The following ZCWPW1 variants were observed in gnomAD, a reference collection of about 807,000 sequenced individuals.
ZCWPW1 encodes zinc finger CW-type PWWP domain protein 1.
Under a neutral mutation model 81.3 loss-of-function variants are expected in ZCWPW1, and 56 were observed. The ratio of observed to expected loss-of-function variants is 0.69; its 90% CI spans 0.56 to 0.86. The LOEUF is 0.86. Ranked by LOEUF, ZCWPW1 falls within the 40% of genes least tolerant of loss-of-function variation. ZCWPW1 has a pLI of 0.00. For synonymous variants in ZCWPW1, 250 were observed against 273.7 expected, an observed-to-expected ratio of 0.91 and a Z score of 0.86; for missense variants, 650 against 769.8, an observed-to-expected ratio of 0.84 and a Z score of 1.84.
At chr7:100,427,300 C>T (rs1797787586) in intron 1 of ZCWPW1, among the ~76,000 whole-genome samples, 1 of 144,634 alleles carries the variant, frequency 6.9e-6, no homozygotes, top group Admixed American at 7.1e-5. Context: ...GCTCAGCAAG[C>T]CCGATTTAAA....
chr7:100,402,447 C>A lies in ZCWPW1; in HGVS notation c.1474+69G>T, dbSNP rs1326946129. 5 of 1,541,608 alleles carry A rather than the reference C, an allele frequency of 3.2e-6. No individual in the cohort carries two copies. The African/African-American group carries it at 6.8e-5, about 21-fold the overall frequency. ...ATGGGCAGTGAGGTCCAGCTACCTG[C>A]AGACTCCCTCTCTACCACTTCCCTG... is the stretch of plus-strand genomic sequence containing the variant. On this transcript the variant is annotated intron_variant, in intron 16 of 17. Coordinates refer to ENST00000684423, the MANE Select transcript of ZCWPW1 (RefSeq NM_001386010.1).
At chr7:100,427,303 G>T (rs896338835) in intron 1 of ZCWPW1, among the ~76,000 whole-genome samples, 3 of 139,818 alleles carry the variant, frequency 2.1e-5, no homozygotes, top group Non-Finnish European at 4.6e-5. Context: ...CAGCAAGCCC[G>T]ATTTAAAACT....
intron 14 of ZCWPW1, 112 bp from the exon 15 acceptor site, chr7:100,403,897 G>C: frequency 8.6e-7 from 1 of 1,158,974 alleles, no homozygotes; most frequent in Non-Finnish European, 1.3e-6. Flanking sequence ...TGTACAAGTG[G>C]TATTTTCTCC....
At chr7:100,412,374 C>T (rs564251227) in intron 8 of ZCWPW1, among the ~76,000 whole-genome samples, 19 of 152,234 alleles carry the variant, frequency 1.2e-4, no homozygotes, top group African/African-American at 4.6e-4. Context: ...TCTTATATTA[C>T]AAATTTTTTC....
chr7:100,423,890 G>A (rs757128850), intron 2 of ZCWPW1, among the ~76,000 whole-genome samples: 31 of 152,018 alleles, frequency 2.0e-4, no homozygotes, highest in East Asian at 3.9e-4. Context: ...TCAACGTGGC[G>A]AAACCCCTTC....
At chr7:100,411,857 T>C (rs890985527) in intron 8 of ZCWPW1, among the ~76,000 whole-genome samples, 1 of 152,166 alleles carries the variant, frequency 6.6e-6, no homozygotes, top group African/African-American at 2.4e-5. Context: ...GACAAGAACA[T>C]TGTACTTTTT....
chr7:100,418,509 C>CA (rs1795764856), intron 5 of ZCWPW1, among the ~76,000 whole-genome samples: 1 of 152,156 alleles, frequency 6.6e-6, no homozygotes, highest in African/African-American at 2.4e-5. Flanking sequence ...ATTAAAACAA[C>CA]AGGCTGGGTG....
At chr7:100,404,385 G>GA in intron 13 of ZCWPW1, 141 bp from the exon 14 acceptor site, 2 of 809,868 alleles carry the variant, frequency 2.5e-6, no homozygotes, top group Non-Finnish European at 3.9e-6. Context: ...TTTTGAGACA[G>GA]GGTCTTGCTC....
chr7:100,409,475 A>G lies in ZCWPW1; in HGVS notation c.824T>C (p.Ile275Thr), dbSNP rs1793748218. Reference sequence around the variant, plus strand: ...ATTATCTGGGAGAACTGAGGGGTCAATGTTCCCACACAGCCGCCTCCATTT... The same window carrying G: ...ATTATCTGGGAGAACTGAGGGGTCAGTGTTCCCACACAGCCGCCTCCATTT... ...CGKWRRLCGNIDPSVLPDNWS... is the reference protein window; with the variant it reads ...CGKWRRLCGNTDPSVLPDNWS... The change falls in exon 9 of 18, where the codon ATT becomes ACT. Residue 275 changes from isoleucine to threonine, a missense_variant. By Grantham distance (89) the Ile-to-Thr change is moderately conservative. Coordinates refer to ENST00000684423, the MANE Select transcript of ZCWPW1 (RefSeq NM_001386010.1). 6.2e-7 allele frequency: 1 copy of G among 1,614,062 alleles called. No individual in the cohort carries two copies. Among genetic ancestry groups the G allele is most frequent in the African/African-American group, 1.3e-5 (1 of 74,926 alleles).
chr7:100,405,432 GA>G (rs150780493), intron 12 of ZCWPW1, among the ~76,000 whole-genome samples: 25,474 of 144,356 alleles, frequency 0.18, 2,287 homozygotes, highest in Non-Finnish European at 0.2. Flanking sequence ...ATCTCAAAAA[GA>G]AAAAAAAAAG....
Position 100,406,719 on chromosome 7 carries a change from T to G in ZCWPW1, c.1148A>C (p.Glu383Ala). The G allele has an allele frequency of 1.2e-6, 2 of 1,614,116 alleles. No homozygotes were observed. Among genetic ancestry groups the G allele is most frequent in the Non-Finnish European group, 1.7e-6 (2 of 1,179,976 alleles). Residue 383 changes from glutamate (E) to alanine (A), a missense_variant, in exon 12 of 18, where the codon GAG (glutamate) becomes GCG (alanine). Coordinates refer to ENST00000684423, the MANE Select transcript of ZCWPW1 (RefSeq NM_001386010.1). Reference protein sequence around the residue: ...IPVNMLKNFQELSLELSVMKK... With the variant: ...IPVNMLKNFQALSLELSVMKK... ...CATGACTGATAGCTCCAGGGACAGCTCCTGGAAGTTCTTTAGCATGTTGAC... is the reference window on the plus strand; with the variant it reads ...CATGACTGATAGCTCCAGGGACAGCGCCTGGAAGTTCTTTAGCATGTTGAC...
chr7:100,406,506 GA>G (rs889813715), intron 12 of ZCWPW1, among the ~76,000 whole-genome samples, 187 bp downstream of exon 12: 16 of 149,812 alleles, frequency 1.1e-4, no homozygotes, highest in Admixed American at 3.3e-4. Flanking sequence ...GAAGGGGACT[GA>G]AAAAAAAAAT....
intron 5 of ZCWPW1, among the ~76,000 whole-genome samples, chr7:100,417,987 C>T (rs915369586): frequency 5.3e-5 from 8 of 151,846 alleles, no homozygotes; most frequent in Non-Finnish European, 2.9e-5. Flanking sequence ...CAGGTTCAAG[C>T]GATTCTCGTG....
chr7:100,412,841 A>G (rs991490636), intron 8 of ZCWPW1, among the ~76,000 whole-genome samples: 3 of 152,164 alleles, frequency 2.0e-5, no homozygotes, highest in Non-Finnish European at 4.4e-5. Flanking sequence ...TCGGCCTCCC[A>G]AAGTGCTGGA....
intron 16 of ZCWPW1, 194 bp from the exon 17 acceptor site, chr7:100,402,235 T>C (rs970394980): frequency 1.2e-6 from 1 of 801,346 alleles, no homozygotes; most frequent in Admixed American, 2.4e-5. Flanking sequence ...ATCCCCTGGA[T>C]CTTCTTCTCT....
chr7:100,401,972 G>T lies in ZCWPW1; in HGVS notation c.1544C>A (p.Ser515Tyr), dbSNP rs1425267573. Residue 515 changes from serine (S) to tyrosine (Y), a missense_variant, in exon 17 of 18, where the codon TCT becomes TAT. Coordinates refer to ENST00000684423, the MANE Select transcript of ZCWPW1 (RefSeq NM_001386010.1). The part of the protein sequence containing the change: ...RTLQRKIMKR[S>Y]LGRKSTAPPA... Reference sequence around the variant, plus strand: ...AGGAGCTGTGGATTTCCTGCCTAGAGATCTCTTCATTATCTTCCTCTGCAG... The same window carrying T: ...AGGAGCTGTGGATTTCCTGCCTAGATATCTCTTCATTATCTTCCTCTGCAG... The T allele has an allele frequency of 6.8e-6, 11 of 1,614,022 alleles. No individual in the cohort carries two copies. The highest frequency in any genetic ancestry group is 8.5e-6 in the Non-Finnish European group (10 of 1,180,030).
In ZCWPW1 at chr7:100,416,359, G is replaced by C; in HGVS notation, c.577C>G (p.Pro193Ala). 1 of 1,614,140 alleles carries C rather than the reference G, an allele frequency of 6.2e-7. No individual in the cohort carries two copies. The highest frequency in any genetic ancestry group is 8.5e-7 in the Non-Finnish European group (1 of 1,180,030). Reference protein sequence around the residue: ...TSKLGQPDPAPSKKKSNRLTL... With the variant: ...TSKLGQPDPAASKKKSNRLTL... ...AGTCTATTGGATTTCTTCTTAGAGG[G>C]TGCAGGATCTGGCTGGCCTAACTTA... The change falls in exon 7 of 18, where the codon CCC becomes GCC. Residue 193 changes from proline to alanine, a missense_variant. Transcript: ENST00000684423.
At chr7:100,404,339 A>G in intron 13 of ZCWPW1, 95 bp from the exon 14 acceptor site, 1 of 1,153,460 alleles carries the variant, frequency 8.7e-7, no homozygotes, top group South Asian at 1.3e-5. Context: ...TGAAATTCTG[A>G]TTCATTTTCC....
intron 14 of ZCWPW1, 21 bp downstream of exon 14, chr7:100,404,157 C>T (rs2130394443): frequency 1.2e-6 from 2 of 1,613,366 alleles, no homozygotes; most frequent in Admixed American, 1.7e-5. Flanking sequence ...TTCTCCAGTC[C>T]TCAACCTCCA....
Sources: allele counts gnomAD v4.1 joint callset (sites outside exome capture counted in the v4.1 genomes callset), GRCh38; gene constraint gnomAD v4.1.1; transcripts MANE v1.5; gene names NCBI Gene and HGNC (gene_info 2026-07-23, HGNC 2026-07-21).